Variants in SH3PXD2A observed in about 807,000 individuals in gnomAD.
SH3PXD2A encodes the protein SH3 and PX domain-containing protein 2A.
SH3PXD2A carries 32 observed loss-of-function variants against 115.2 expected under a neutral mutation model. The ratio of observed to expected loss-of-function variants is 0.28; its 90% CI spans 0.21 to 0.37. The LOEUF (loss-of-function observed/expected upper bound fraction) is 0.37. SH3PXD2A is among the 10% of genes least tolerant of loss of function. The pLI is 1.00. For missense variants in SH3PXD2A, 1,328 were observed against 1,498.7 expected (o/e 0.89, Z 1.88); for synonymous variants, 610 against 629.1 (o/e 0.97, Z 0.45).
At chr10:103,697,603 C>CCCCT (rs1185264502) in intron 5 of SH3PXD2A, among the ~76,000 whole-genome samples, 1 of 152,150 alleles carries the variant, frequency 6.6e-6, no homozygotes, top group Non-Finnish European at 1.5e-5. Context: ...CGCCTCTGGA[C>CCCCT]CCCTCTATTA....
intron 8 of SH3PXD2A, among the ~76,000 whole-genome samples, chr10:103,639,895 G>C (rs146256969): frequency 6.6e-6 from 1 of 152,194 alleles, no homozygotes; most frequent in Non-Finnish European, 1.5e-5. Flanking sequence ...AGAGTGGGGC[G>C]GGAAGGGGTG....
intron 1 of SH3PXD2A, 82 bp downstream of exon 1, chr10:103,855,113 A>T: frequency 1.0e-6 from 1 of 995,806 alleles, no homozygotes; most frequent in Non-Finnish European, 1.4e-6. Context: ...GCGACCTCAC[A>T]GCTGGGAGGG....
At chr10:103,795,090 T>C (rs1026863545) in intron 2 of SH3PXD2A, among the ~76,000 whole-genome samples, 3 of 152,168 alleles carry the variant, frequency 2.0e-5, no homozygotes, top group East Asian at 1.9e-4. Context: ...TCTGTGATAA[T>C]AGAAATGTTC....
chr10:103,810,855 C>G (rs2039259750), intron 1 of SH3PXD2A, among the ~76,000 whole-genome samples: 1 of 149,446 alleles, frequency 6.7e-6, no homozygotes, highest in Middle Eastern at 3.5e-3. Context: ...CACACAGACA[C>G]ACACATACAG....
chr10:103,852,064 C>T (rs917738903), intron 1 of SH3PXD2A, among the ~76,000 whole-genome samples: 2 of 152,312 alleles, frequency 1.3e-5, no homozygotes, highest in South Asian at 2.1e-4. Context: ...TCAAGACAAG[C>T]GGTCAGAGGC....
rs2036198885 is a variant in SH3PXD2A, at chr10:103,600,435, TG to T, written c.*1380del. On this transcript the variant is annotated 3_prime_UTR_variant, in exon 15 of 15. Transcript: ENST00000369774. ...GGCATTGCCAGCAGGCCAGAGGGGG[TG>T]GCTGGCGGTGTTGGCTCCAGTCTGA... 6.6e-6 allele frequency: 1 copy of T among 152,110 alleles called. No homozygotes were observed. Among genetic ancestry groups the T allele is most frequent in the Non-Finnish European group, 1.5e-5 (1 of 68,012 alleles). The allele number at this position is 152,110 out of a possible 1,614,324, so 9.4% of individuals were successfully genotyped here.
At chr10:103,837,355 A>C (rs1466481539) in intron 1 of SH3PXD2A, among the ~76,000 whole-genome samples, 1 of 152,080 alleles carries the variant, frequency 6.6e-6, no homozygotes, top group African/African-American at 2.4e-5. Flanking sequence ...CTAGCAGGAG[A>C]AGTTTGCTAT....
chr10:103,767,183 C>A lies in SH3PXD2A; in HGVS notation c.154-14G>T. ...CAAAAGCTGCATCTGAGAAGCCAGA[C>A]AGACAGAGGGACAGGATTCAGAAGA... On this transcript the variant is annotated splice_polypyrimidine_tract_variant and intron_variant, in intron 2 of 14. Transcript: ENST00000369774. 1 of 1,606,122 alleles carries A rather than the reference C, an allele frequency of 6.2e-7. No homozygotes were observed. Among genetic ancestry groups the A allele is most frequent in the Non-Finnish European group, 8.5e-7 (1 of 1,172,962 alleles).
chr10:103,642,978 A>G (rs1016624296), intron 8 of SH3PXD2A, among the ~76,000 whole-genome samples: 1 of 152,312 alleles, frequency 6.6e-6, no homozygotes, highest in Non-Finnish European at 1.5e-5. Flanking sequence ...AACGGGGACA[A>G]TTTAGACTTT....
chr10:103,726,981 T>C (rs1384172312), intron 4 of SH3PXD2A, among the ~76,000 whole-genome samples: 1 of 152,178 alleles, frequency 6.6e-6, no homozygotes, highest in Non-Finnish European at 1.5e-5. Context: ...AAAATTAACA[T>C]TAAATGAGCA....
At chr10:103,664,105 C>T (rs116980585) in intron 7 of SH3PXD2A, among the ~76,000 whole-genome samples, 1 of 152,294 alleles carries the variant, frequency 6.6e-6, no homozygotes, top group East Asian at 1.9e-4. Context: ...AACAGCAGTG[C>T]CTGTTCCATG....
intron 1 of SH3PXD2A, among the ~76,000 whole-genome samples, chr10:103,810,952 G>GCACACACACACACACACA (rs71476608): frequency 1.0e-4 from 2 of 19,872 alleles, no homozygotes; most frequent in African/African-American, 2.0e-4. Context: ...GCGCGCGCGC[G>GCACACACACACACACACA]CACACACACA....
At chr10:103,850,049 G>C (rs574932214) in intron 1 of SH3PXD2A, among the ~76,000 whole-genome samples, 41 of 152,294 alleles carry the variant, frequency 2.7e-4, no homozygotes, top group African/African-American at 9.1e-4. Context: ...AATTTACAGG[G>C]AACTGCTGTG....
Position 103,756,321 on chromosome 10 carries a change from C to A in SH3PXD2A, c.229+10773G>T, listed in dbSNP as rs2038640325. Among the ~76,000 whole-genome samples, 1 of 152,168 alleles carries A rather than the reference C, an allele frequency of 6.6e-6. No homozygotes were observed. Among genetic ancestry groups the A allele is most frequent in the Non-Finnish European group, 1.5e-5 (1 of 68,024 alleles). On this transcript the variant is annotated intron_variant, in intron 3 of 14. Transcript: ENST00000369774. This position sits in a 1 kb window ranked among gnomAD's most constrained non-coding sequence, Gnocchi z 4.4. ...GGGCCTGGGTCCAGTTGGAGTGACC[C>A]AGGAGGGCAGTGTGCGGGATTAGGC...
chr10:103,594,581 C>T lies in SH3PXD2A; in HGVS notation c.*7235G>A, dbSNP rs1330153564. On this transcript the variant is annotated 3_prime_UTR_variant, in exon 15 of 15. Transcript: ENST00000369774. ...TGAAGTCTGCCTTGCCCGGGAGTCA[C>T]TTCCTGCAGACCTCTGAGTACCTGG... 1 of 152,264 alleles carries T rather than the reference C, an allele frequency of 6.6e-6. No homozygotes were observed. Among genetic ancestry groups the T allele is most frequent in the African/African-American group, 2.4e-5 (1 of 41,452 alleles). The allele number at this position is 152,264 out of a possible 1,614,324, so 9.4% of individuals were successfully genotyped here.
At chr10:103,698,511 C>T (rs896747690) in intron 5 of SH3PXD2A, among the ~76,000 whole-genome samples, 6 of 152,190 alleles carry the variant, frequency 3.9e-5, no homozygotes, top group Admixed American at 1.3e-4. Flanking sequence ...AGACAGCTGA[C>T]TTGGGGGTGA....
chr10:103,679,072 C>T (rs898350651), intron 6 of SH3PXD2A, among the ~76,000 whole-genome samples: 2 of 152,184 alleles, frequency 1.3e-5, no homozygotes, highest in Non-Finnish European at 2.9e-5. Flanking sequence ...GTCCTCTTCA[C>T]CCAGCTGACC....
chr10:103,700,916 A>G (rs2037885371), intron 5 of SH3PXD2A, among the ~76,000 whole-genome samples: 1 of 152,176 alleles, frequency 6.6e-6, no homozygotes, highest in African/African-American at 2.4e-5. Context: ...CTATATTTAA[A>G]GACCTTCCCT....
chr10:103,617,341 T>C, intron 10 of SH3PXD2A, 27 bp from the exon 11 acceptor site: 2 of 1,529,168 alleles, frequency 1.3e-6, no homozygotes, highest in Non-Finnish European at 1.8e-6. Flanking sequence ...GCAAGCAAGA[T>C]TATTTGAGGT....
Sources: gnomAD v4.1 joint callset for allele counts (sites outside exome capture counted in the v4.1 genomes callset) on GRCh38, gnomAD v4.1.1 for gene constraint, Gnocchi (gnomAD v3.1) non-coding constraint, MANE v1.5 for transcripts, NCBI Gene and HGNC (gene_info 2026-07-23, HGNC 2026-07-21) for gene names.